Variants in EYA2 observed in about 807,000 individuals in gnomAD.
EYA2 encodes the protein protein phosphatase EYA2.
In EYA2, 31 loss-of-function variants were observed where a neutral mutation model predicts 69.2. That is an observed-to-expected ratio of 0.45 (90% CI 0.34 to 0.60). The LOEUF is 0.60. EYA2 is among the 20% of genes least tolerant of loss of function. The probability of loss-of-function intolerance (pLI) is 0.02; values close to 1 mark genes in which losing one functional copy is unlikely to be tolerated. For missense variants in EYA2, 622 were observed against 701.2 expected, an observed-to-expected ratio of 0.89 and a Z score of 1.28; for synonymous variants, 257 against 279.4, an observed-to-expected ratio of 0.92 and a Z score of 0.80.
rs370078021 is a variant in EYA2, at chr20:47,006,128, T to C, written c.298+1044T>C. Among the ~76,000 whole-genome samples, 62 of 152,342 alleles carry C rather than the reference T, an allele frequency of 4.1e-4. No homozygotes were observed. The East Asian group carries it at 0.011, about 27-fold the overall frequency. On this transcript the variant is annotated intron_variant, in intron 4 of 15. Transcript: ENST00000327619. ...AAAGACAGCCCTGGCAGTTTCAGGC[T>C]GCAGTGTCCCCCAAAAAGAGAGCCC...
chr20:47,152,362 T>A (rs1221520270), intron 10 of EYA2, among the ~76,000 whole-genome samples: 6 of 151,480 alleles, frequency 4.0e-5, no homozygotes, highest in Non-Finnish European at 1.5e-5. Flanking sequence ...CATTTGTGTG[T>A]TGGGAGGACA....
intron 9 of EYA2, 117 bp downstream of exon 9, chr20:47,097,285 C>T (rs1264123153): frequency 1.6e-5 from 12 of 744,192 alleles, no homozygotes; most frequent in Non-Finnish European, 2.4e-5. Context: ...CAAAAGCTGC[C>T]CTTTGGGGTC....
intron 1 of EYA2, among the ~76,000 whole-genome samples, chr20:46,910,538 C>A (rs1984593606): frequency 6.6e-6 from 1 of 152,158 alleles, no homozygotes; most frequent in East Asian, 1.9e-4. Flanking sequence ...ATAGGACATG[C>A]GCTGGGCTTC....
At chr20:47,116,170 C>CTTTTTT (rs138828415) in intron 9 of EYA2, among the ~76,000 whole-genome samples, 13 of 80,028 alleles carry the variant, frequency 1.6e-4, no homozygotes, top group East Asian at 3.7e-4. Flanking sequence ...CATCATCCTT[C>CTTTTTT]TTTTTTTTTT....
At chr20:47,013,069 G>T (rs1484211418) in intron 4 of EYA2, among the ~76,000 whole-genome samples, 3 of 152,214 alleles carry the variant, frequency 2.0e-5, no homozygotes, top group Admixed American at 6.5e-5. Context: ...AAGAAGAGAT[G>T]AAAAACTTTA....
At chr20:47,016,949 G>A (rs572610586) in intron 5 of EYA2, among the ~76,000 whole-genome samples, 6 of 152,300 alleles carry the variant, frequency 3.9e-5, no homozygotes, top group East Asian at 1.9e-4. Context: ...CAGAAATGTC[G>A]GGTGGTGGAA....
intron 5 of EYA2, among the ~76,000 whole-genome samples, chr20:47,054,927 G>A (rs757711043): frequency 7.9e-5 from 12 of 152,272 alleles, no homozygotes; most frequent in Admixed American, 2.0e-4. Flanking sequence ...AGATGGATCC[G>A]GAGCTCAAAC....
At chr20:47,013,051 G>C (rs936651740) in intron 4 of EYA2, among the ~76,000 whole-genome samples, 2 of 152,106 alleles carry the variant, frequency 1.3e-5, no homozygotes, top group Non-Finnish European at 1.5e-5. Flanking sequence ...AACCCCTTCA[G>C]CAAACAAAAG....
intron 10 of EYA2, chr20:47,161,213 C>T (rs1182343797): frequency 2.1e-5 from 10 of 473,350 alleles, no homozygotes; most frequent in Non-Finnish European, 3.1e-5. Context: ...GCCGATCTTG[C>T]TCCCCCAGTA....
intron 1 of EYA2, among the ~76,000 whole-genome samples, chr20:46,936,103 C>T (rs1985897728): frequency 6.6e-6 from 1 of 152,040 alleles, no homozygotes; most frequent in Non-Finnish European, 1.5e-5. Context: ...ACTTCCAGTC[C>T]CATGCATTTG....
At chr20:47,143,006 T>C in intron 9 of EYA2, 53 bp from the exon 10 acceptor site, 2 of 1,553,690 alleles carry the variant, frequency 1.3e-6, no homozygotes, top group Non-Finnish European at 8.8e-7. Context: ...AAAGGGTAGC[T>C]AAGATTCCTC....
chr20:47,089,362 C>A lies in EYA2; in HGVS notation c.785C>A (p.Ala262Glu), dbSNP rs756756671. The A allele has an allele frequency of 6.2e-7, 1 of 1,613,892 alleles. No homozygotes were observed. Among genetic ancestry groups the A allele is most frequent in the East Asian group, 2.2e-5 (1 of 44,876 alleles). ...RSKRSSDPSP[A>E]GDNEIERVFV... ...AAGAGGAGCAGTGACCCGTCCCCGG[C>A]AGGGGACAATGAGATTGAGGTAATC... is the stretch of plus-strand genomic sequence containing the variant. The change falls in exon 8 of 16, where the codon GCA (alanine) becomes GAA (glutamate). Residue 262 changes from alanine (A) to glutamate (E), a missense_variant. This residue lies in a region of EYA2 where 365 missense variants were observed against 349.7 expected (regional missense o/e 1.04). Coordinates refer to ENST00000327619, the MANE Select transcript of EYA2 (RefSeq NM_005244.5).
Position 47,074,340 on chromosome 20 carries a change from G to T in EYA2, c.661+5G>T. The stretch of plus-strand genomic sequence containing the variant: ...AGAGTTCCGAGTCACTTGCTGGTAG[G>T]TGCAGTCACTGGTGGGGCCATTCAT... On this transcript the variant is annotated splice_donor_5th_base_variant and intron_variant, in intron 7 of 15. Coordinates refer to ENST00000327619, the MANE Select transcript of EYA2 (RefSeq NM_005244.5). The T allele has an allele frequency of 6.2e-7, 1 of 1,613,568 alleles. No homozygotes were observed. Among genetic ancestry groups the T allele is most frequent in the Non-Finnish European group, 8.5e-7 (1 of 1,179,592 alleles).
At chr20:46,898,617 C>G (rs1983935234) in intron 1 of EYA2, among the ~76,000 whole-genome samples, 1 of 152,208 alleles carries the variant, frequency 6.6e-6, no homozygotes, top group Non-Finnish European at 1.5e-5. Context: ...GCTTCGTTTT[C>G]ACTGTTTGAA....
chr20:47,129,872 T>C (rs1418366675), intron 9 of EYA2, among the ~76,000 whole-genome samples: 1 of 152,186 alleles, frequency 6.6e-6, no homozygotes, highest in Non-Finnish European at 1.5e-5. Context: ...AGAATTATTA[T>C]TTTGGGGAAC....
intron 1 of EYA2, among the ~76,000 whole-genome samples, chr20:46,935,131 A>T (rs913590844): frequency 6.6e-6 from 1 of 152,156 alleles, no homozygotes; most frequent in Non-Finnish European, 1.5e-5. Flanking sequence ...CGTGGAGCAC[A>T]TTTCCCCTGC....
In EYA2 at chr20:46,924,693, A is replaced by AG. The variant is rs1272004887; in HGVS notation, c.-11+29707dup. 2.7e-5 allele frequency among the ~76,000 whole-genome samples: 4 copies of AG among 145,578 alleles called. 1 individual carries two copies. In the South Asian group the frequency reaches 6.6e-4, roughly 24 times the overall value. The stretch of plus-strand genomic sequence containing the variant: ...TCAAAAAAAAAAAAAAAAAAAAAAA[A>AG]GCCCCAAGTGGGTAATTCCTTTCCT... On this transcript the variant is annotated intron_variant, in intron 1 of 15. Transcript: ENST00000327619.
intron 2 of EYA2, among the ~76,000 whole-genome samples, chr20:46,999,838 C>T (rs1451195701): frequency 3.9e-5 from 6 of 152,184 alleles, no homozygotes; most frequent in South Asian, 2.1e-4. Context: ...TTCGGAGCCC[C>T]GGTTTCTTCA....
intron 5 of EYA2, among the ~76,000 whole-genome samples, chr20:47,021,339 A>G (rs1406552079): frequency 6.6e-6 from 1 of 152,174 alleles, no homozygotes; most frequent in African/African-American, 2.4e-5. Context: ...GGGAGACTTA[A>G]AAACAGGCCA....
Sources: allele counts gnomAD v4.1 joint callset (sites outside exome capture counted in the v4.1 genomes callset), GRCh38; gene constraint gnomAD v4.1.1; regional missense constraint gnomAD v4.1.1; transcripts MANE v1.5; gene names NCBI Gene and HGNC (gene_info 2026-07-23, HGNC 2026-07-21).